The following SBK1 variants were observed in gnomAD, a reference collection of about 807,000 sequenced individuals.
The protein encoded by SBK1 is serine/threonine-protein kinase SBK1.
A neutral mutation model predicts 24.4 loss-of-function variants in SBK1; 11 were observed. The observed-to-expected ratio is 0.45, with a 90% CI of 0.28 to 0.75. The LOEUF is 0.75. Ranked by LOEUF, SBK1 falls within the 30% of genes least tolerant of loss-of-function variation. The probability of loss-of-function intolerance (pLI) is 0.12; values close to 1 mark genes in which losing one functional copy is unlikely to be tolerated. For synonymous variants in SBK1, 308 were observed against 284.4 expected (o/e 1.08, Z -0.83); for missense variants, 467 against 620.5 (o/e 0.75, Z 2.63).
intron 1 of SBK1, among the ~76,000 whole-genome samples, chr16:28,311,731 C>A (rs1028210005): frequency 1.3e-5 from 2 of 151,790 alleles, no homozygotes; most frequent in African/African-American, 4.8e-5. Flanking sequence ...TAAATAAGTG[C>A]ATTAAATAAA....
intron 1 of SBK1, among the ~76,000 whole-genome samples, chr16:28,309,860 G>A (rs935981677): frequency 2.0e-5 from 3 of 152,194 alleles, no homozygotes; most frequent in Non-Finnish European, 4.4e-5. Flanking sequence ...GTGTGTGTGC[G>A]CATGTGTGCA....
Position 28,317,707 on chromosome 16 carries a change from C to T in SBK1, c.226+90C>T, listed in dbSNP as rs1487494671. 16 of 898,764 alleles carry T rather than the reference C, an allele frequency of 1.8e-5. No homozygotes were observed. Among genetic ancestry groups the T allele is most frequent in the Middle Eastern group, 2.9e-4 (1 of 3,498 alleles). 55.7% of individuals were successfully genotyped at this position (898,764 alleles called of 1,614,324 possible). A position where few individuals can be genotyped will look rare whatever the true frequency, so the allele number is the denominator to read the frequency against. ...GGGGGACATGACCTTGCAGCTGGGCCGGGGCTCTCTGGTGCTCTGTGGAAG... is the reference window on the plus strand; with the variant it reads ...GGGGGACATGACCTTGCAGCTGGGCTGGGGCTCTCTGGTGCTCTGTGGAAG... On this transcript the variant is annotated intron_variant, in intron 2 of 3. Transcript: ENST00000341901. This position sits in a 1 kb window ranked among gnomAD's most constrained non-coding sequence, Gnocchi z 4.2.
At chr16:28,305,986 T>C (rs2044713949) in intron 1 of SBK1, among the ~76,000 whole-genome samples, 1 of 152,248 alleles carries the variant, frequency 6.6e-6, no homozygotes, top group Non-Finnish European at 1.5e-5. Context: ...CTTACAGTAA[T>C]GGCCCTCTCT....
intron 1 of SBK1, among the ~76,000 whole-genome samples, chr16:28,279,370 G>A (rs2044514761): frequency 7.2e-6 from 1 of 138,426 alleles, no homozygotes. Flanking sequence ...CTGCACTCCA[G>A]CCTGGGACAA....
rs2044809872 is a variant in SBK1, at chr16:28,317,933, G to A, written c.226+316G>A. Among the ~76,000 whole-genome samples, 1 of 152,222 alleles carries A rather than the reference G, an allele frequency of 6.6e-6. No individual in the cohort carries two copies. Among genetic ancestry groups the A allele is most frequent in the East Asian group, 1.9e-4 (1 of 5,176 alleles). ...AGTGTCTGGGGAGGGCAGGGCTGCC[G>A]GCTGTGTCTGAGTATCACCAGCGTC... On this transcript the variant is annotated intron_variant, in intron 2 of 3. Transcript: ENST00000341901. This position sits in a 1 kb window ranked among gnomAD's most constrained non-coding sequence, Gnocchi z 4.2.
upstream of SBK1, chr16:28,259,175 AAGACAGGAGCCCCCGCC>A (rs1200195892): frequency 1.3e-5 from 2 of 152,344 alleles, no homozygotes; most frequent in African/African-American, 4.8e-5. This position sits in a 1 kb window ranked among gnomAD's most constrained non-coding sequence, Gnocchi z 6.0. Context: ...CCCACGGGTC[AAGACAGGAGCCCCCGCC>A]AGACAGAGCC....
intron 1 of SBK1, among the ~76,000 whole-genome samples, chr16:28,315,635 C>T (rs928861744): frequency 6.6e-6 from 1 of 152,182 alleles, no homozygotes; most frequent in Admixed American, 6.5e-5. Context: ...GTGGCGCATG[C>T]TTGCAGTCCC....
upstream of SBK1, among the ~76,000 whole-genome samples, chr16:28,290,155 A>G (rs900903880): frequency 1.3e-5 from 2 of 152,048 alleles, no homozygotes; most frequent in African/African-American, 4.8e-5. Flanking sequence ...CGAATGGAGA[A>G]GAGAGGTCCT....
rs968849380 is a variant in SBK1, at chr16:28,259,735, G to A, written c.257+233G>A. ...TGGCTTTCACGTCCTCTCCCACAGT[G>A]AGCATGTCCCTCCCCTGCTCAGAGC... On this transcript the variant is annotated intron_variant, in intron 1 of 3. Transcript: ENST00000671413. The surrounding 1 kb of genome is among the most constrained non-coding windows in gnomAD (Gnocchi z 6.0). Among the ~76,000 whole-genome samples the A allele has an allele frequency of 6.6e-6, 1 of 152,068 alleles. No homozygotes were observed. Among genetic ancestry groups the A allele is most frequent in the Admixed American group, 6.5e-5 (1 of 15,270 alleles).
At chr16:28,283,403 C>T (rs185206177) in intron 1 of SBK1, among the ~76,000 whole-genome samples, 114 of 152,276 alleles carry the variant, frequency 7.5e-4, no homozygotes, top group Middle Eastern at 3.4e-3. Flanking sequence ...TCTCTCTTTA[C>T]CTCTCTTGGC....
chr16:28,275,238 G>C (rs1477055821), intron 1 of SBK1, among the ~76,000 whole-genome samples: 3 of 152,108 alleles, frequency 2.0e-5, no homozygotes, highest in Non-Finnish European at 4.4e-5. Context: ...GCTGAGGCGG[G>C]AGGATTGCTA....
At chr16:28,311,268 C>A (rs762646010) in intron 1 of SBK1, among the ~76,000 whole-genome samples, 48 of 152,282 alleles carry the variant, frequency 3.2e-4, no homozygotes, top group Non-Finnish European at 5.6e-4. Context: ...GAGGGACAGG[C>A]AGCCCCTGTG....
chr16:28,312,638 G>C (rs965527482), intron 1 of SBK1, among the ~76,000 whole-genome samples: 1 of 152,234 alleles, frequency 6.6e-6, no homozygotes, highest in Admixed American at 6.5e-5. Flanking sequence ...CGAGGCCAGG[G>C]CACATGTTTA....
intron 1 of SBK1, among the ~76,000 whole-genome samples, chr16:28,277,920 CG>C (rs1245517718): frequency 6.6e-6 from 1 of 152,242 alleles, no homozygotes; most frequent in Non-Finnish European, 1.5e-5. Context: ...CGGCGGATTC[CG>C]CGGACAAAGT....
chr16:28,293,834 C>A (rs1404799388), intron 1 of SBK1, among the ~76,000 whole-genome samples: 1 of 152,112 alleles, frequency 6.6e-6, no homozygotes, highest in Non-Finnish European at 1.5e-5. Context: ...GGAATCGCAT[C>A]TTCCCTGTGA....
At chr16:28,294,524 C>T (rs1036923946) in intron 1 of SBK1, among the ~76,000 whole-genome samples, 14 of 152,206 alleles carry the variant, frequency 9.2e-5, no homozygotes, top group Non-Finnish European at 5.9e-5. Flanking sequence ...TCCTTTTCCC[C>T]ACTTCATTCC....
chr16:28,288,481 C>T (rs1271451117), upstream of SBK1, among the ~76,000 whole-genome samples: 1 of 152,192 alleles, frequency 6.6e-6, no homozygotes, highest in Non-Finnish European at 1.5e-5. Flanking sequence ...ATTAGTGGAA[C>T]ATGCTAGAGC....
intron 2 of SBK1, 69 bp from the exon 3 acceptor site, chr16:28,318,926 G>A: frequency 8.7e-7 from 1 of 1,148,666 alleles, no homozygotes; most frequent in Non-Finnish European, 1.3e-6. Flanking sequence ...CCAGAGACAG[G>A]CATGGGTGCA....
At chr16:28,308,131 C>T (rs763146947) in intron 1 of SBK1, among the ~76,000 whole-genome samples, 11 of 152,274 alleles carry the variant, frequency 7.2e-5, no homozygotes, top group Admixed American at 2.6e-4. Context: ...GAGGTGGACA[C>T]GCTGAGGTTC....
Sources: gnomAD v4.1 joint callset for allele counts (sites outside exome capture counted in the v4.1 genomes callset) on GRCh38, gnomAD v4.1.1 for gene constraint, Gnocchi (gnomAD v3.1) non-coding constraint, MANE v1.5 for transcripts, NCBI Gene and HGNC (gene_info 2026-07-23, HGNC 2026-07-21) for gene names.